PRDM15: variants seen among roughly 807,000 people sequenced by gnomAD.
The protein encoded by PRDM15 is PR/SET domain 15.
In PRDM15, 64 loss-of-function variants were observed where a neutral mutation model predicts 128.6. The ratio of observed to expected loss-of-function variants is 0.50; its 90% CI spans 0.41 to 0.61. PRDM15 has a LOEUF of 0.61. Among genes scored for constraint, PRDM15 ranks in the 20% least tolerant of loss-of-function variants. PRDM15 has a pLI of 0.00. For synonymous variants in PRDM15, 615 were observed against 621.8 expected (o/e 0.99, Z 0.16); for missense variants, 1,242 against 1,569.1 (o/e 0.79, Z 3.52).
rs201207387 is a variant in PRDM15 at position 41,821,266 on chromosome 21, G to A, written c.1897-36C>T. 1,894 of 1,611,808 alleles carry A rather than the reference G, an allele frequency of 1.2e-3. 3 individuals are homozygous for A. Among genetic ancestry groups the A allele is most frequent in the Admixed American group, 1.5e-3 (92 of 59,968 alleles). On this transcript the variant is annotated intron_variant, in intron 15 of 23. Coordinates refer to ENST00000398548, the MANE Select transcript of PRDM15 (RefSeq NM_001040424.3). The surrounding 1 kb of genome is among the most constrained non-coding windows in gnomAD (Gnocchi z 5.4). ...GGTGGACAGGGCACTGCTGACACCC[G>A]CATGAGGTCCCTGGTCCTCTTAGCT...
At position 41,828,716 on chromosome 21, in the gene PRDM15, A is replaced by G. The variant is rs1320559259; in HGVS notation, c.1367-383T>C. Among the ~76,000 whole-genome samples the G allele has an allele frequency of 6.6e-6, 1 of 151,420 alleles. No individual in the cohort carries two copies. Among genetic ancestry groups the G allele is most frequent in the Non-Finnish European group, 1.5e-5 (1 of 67,940 alleles). ...CCCAGCATGACTGACTGACAGATAGAATGACCTACCTACCAACCAACCAAC... is the reference window on the plus strand; with the variant it reads ...CCCAGCATGACTGACTGACAGATAGGATGACCTACCTACCAACCAACCAAC... On this transcript the variant is annotated intron_variant, in intron 11 of 23. Transcript: ENST00000398548. The surrounding 1 kb of genome is among the most constrained non-coding windows in gnomAD (Gnocchi z 5.7).
At chr21:41,829,918 C>G (rs1043963344) in intron 11 of PRDM15, among the ~76,000 whole-genome samples, 62,384 of 151,052 alleles carry the variant, frequency 0.41, 13,049 homozygotes, top group East Asian at 0.57. Context: ...TCAACACACA[C>G]CACTCACCCC....
At chr21:41,871,523 C>A in intron 1 of PRDM15, 1 of 1,609,630 alleles carries the variant, frequency 6.2e-7, no homozygotes, top group Non-Finnish European at 8.5e-7. Context: ...GCGTCGCAGG[C>A]CTGCACTCGC....
intron 1 of PRDM15, among the ~76,000 whole-genome samples, chr21:41,866,624 G>T (rs1048417360): frequency 1.8e-4 from 28 of 152,240 alleles, no homozygotes; most frequent in African/African-American, 6.8e-4. Context: ...TGCTGTTCTT[G>T]GAATCTGCAG....
rs558384688 is a variant in PRDM15 at position 41,820,896 on chromosome 21, C to T, written c.2060+171G>A. 8.5e-5 allele frequency among the ~76,000 whole-genome samples: 13 copies of T among 152,326 alleles called. No homozygotes were observed. In the East Asian group the frequency reaches 1.7e-3, roughly 20 times the overall value. On this transcript the variant is annotated intron_variant, in intron 16 of 23. Transcript: ENST00000398548. ...CACAGGATAAACCCCAGCCCTGCTG[C>T]CCCTAGCCCAGCTGCCCCCGAGCCC...
Position 41,810,866 on chromosome 21 carries a change from C to T in PRDM15, c.2393-30G>A, listed in dbSNP as rs139230030. The T allele has an allele frequency of 1.5e-5, 24 of 1,599,930 alleles. No individual in the cohort carries two copies. The highest frequency in any genetic ancestry group is 3.3e-5 in the South Asian group (3 of 90,834). On this transcript the variant is annotated intron_variant, in intron 19 of 23. Transcript: ENST00000398548. This position sits in a 1 kb window ranked among gnomAD's most constrained non-coding sequence, Gnocchi z 6.4. ...AGAGAAAGGCGCACATAACTTCCTACGTTTAATGAGTGTTGTAAGTCCACA... is the reference window on the plus strand; with the variant it reads ...AGAGAAAGGCGCACATAACTTCCTATGTTTAATGAGTGTTGTAAGTCCACA...
rs1555889583 is a variant in PRDM15 at position 41,861,543 on chromosome 21, C to CA, written c.-9-1172dup. 6.4e-6 allele frequency: 10 copies of CA among 1,572,512 alleles called. 1 individual carries two copies. The highest frequency in any genetic ancestry group is 4.4e-4 in the Middle Eastern group (2 of 4,548). ...TGATTATTCCTCCTCTGCCCCCCCC[C>CA]AATCCCCAACTGTGCGCACCGGCAT... is the stretch of plus-strand genomic sequence containing the variant. On this transcript the variant is annotated intron_variant, in intron 1 of 23. Coordinates refer to ENST00000398548, the MANE Select transcript of PRDM15 (RefSeq NM_001040424.3).
intron 11 of PRDM15, among the ~76,000 whole-genome samples, chr21:41,831,259 CCT>C (rs1438880909): frequency 6.6e-6 from 1 of 152,360 alleles, no homozygotes; most frequent in South Asian, 2.1e-4. Flanking sequence ...TCAGGGTCCC[CCT>C]GTCTAGGGTT....
chr21:41,865,891 C>T (rs7277773), intron 1 of PRDM15, among the ~76,000 whole-genome samples: 44,878 of 151,972 alleles, frequency 0.3, 6,799 homozygotes, highest in South Asian at 0.32. Flanking sequence ...ACTACAGGCA[C>T]GCACCACCAT....
At position 41,821,987 on chromosome 21, in the gene PRDM15, G is replaced by A. The variant is rs368123790; in HGVS notation, c.1812C>T (p.Ile604=). The change falls in exon 15 of 24, where the codon ATC becomes ATT. Residue 604 remains isoleucine, a synonymous_variant. Transcript: ENST00000398548. This position sits in a 1 kb window ranked among gnomAD's most constrained non-coding sequence, Gnocchi z 5.4. ...DHQREEFIGK[I]GISSEENDDN... ...CATCGTTTTCTTCCGAGGAGATCCC[G>A]ATCTTGCCGATAAACTCTTCCCTCT... is the stretch of plus-strand genomic sequence containing the variant. 46 of 1,614,046 alleles carry A rather than the reference G, an allele frequency of 2.8e-5. No individual in the cohort carries two copies. The highest frequency in any genetic ancestry group is 1.2e-4 in the African/African-American group (9 of 74,948).
chr21:41,852,261 C>T (rs2063452412), intron 5 of PRDM15, among the ~76,000 whole-genome samples: 1 of 152,256 alleles, frequency 6.6e-6, no homozygotes, highest in Admixed American at 6.5e-5. Flanking sequence ...GGTAAACGGC[C>T]AAGGCCGGCA....
At position 41,821,052 on chromosome 21, in the gene PRDM15, C is replaced by A. The variant is rs1322247367; in HGVS notation, c.2060+15G>T. On this transcript the variant is annotated intron_variant, in intron 16 of 23. Transcript: ENST00000398548. This position sits in a 1 kb window ranked among gnomAD's most constrained non-coding sequence, Gnocchi z 5.4. ...CTCTCCTGACACAACCCGGGAGCCC[C>A]CGACCAGGCCTCACTTCTGCACGTT... 6.2e-7 allele frequency: 1 copy of A among 1,614,020 alleles called. No homozygotes were observed. Among genetic ancestry groups the A allele is most frequent in the African/African-American group, 1.3e-5 (1 of 74,908 alleles).
Position 41,821,092 on chromosome 21 carries a change from T to G in PRDM15, c.2035A>C (p.Asn679His). ...YHAHMVIHRE[N>H]LPDPNVQKYI... ...TTCTGCACGTTGGGGTCCGGCAGGT[T>G]TTCACGGTGGATGACCATGTGGGCG... Residue 679 changes from asparagine (N) to histidine (H), a missense_variant, in exon 16 of 24, where the codon AAC (asparagine) becomes CAC (histidine). By Grantham distance (68) the Asn-to-His change is moderately conservative. Transcript: ENST00000398548. The surrounding 1 kb of genome is among the most constrained non-coding windows in gnomAD (Gnocchi z 5.4). 6.2e-7 allele frequency: 1 copy of G among 1,614,188 alleles called. No individual in the cohort carries two copies. Among genetic ancestry groups the G allele is most frequent in the Non-Finnish European group, 8.5e-7 (1 of 1,180,016 alleles).
intron 6 of PRDM15, among the ~76,000 whole-genome samples, chr21:41,842,722 C>G (rs529862275): frequency 6.6e-6 from 1 of 151,242 alleles, no homozygotes; most frequent in East Asian, 2.0e-4. Flanking sequence ...ATCTCTTGAC[C>G]TCGTGATCTG....
intron 6 of PRDM15, among the ~76,000 whole-genome samples, chr21:41,845,468 G>A (rs1033675808): frequency 1.3e-5 from 2 of 151,778 alleles, no homozygotes; most frequent in East Asian, 4.0e-4. Flanking sequence ...TGCCGCAGAA[G>A]GCAGAGCCGT....
At chr21:41,858,520 A>T (rs1225851873) in intron 3 of PRDM15, among the ~76,000 whole-genome samples, 1 of 146,796 alleles carries the variant, frequency 6.8e-6, no homozygotes, top group Non-Finnish European at 1.5e-5. Flanking sequence ...GGCCCCTCCG[A>T]CAGAGGCGGA....
At position 41,854,864 on chromosome 21, in the gene PRDM15, A is replaced by G; in HGVS notation, c.286-46T>C. 2 of 1,565,876 alleles carry G rather than the reference A, an allele frequency of 1.3e-6. No homozygotes were observed. Among genetic ancestry groups the G allele is most frequent in the African/African-American group, 1.3e-5 (1 of 74,420 alleles). On this transcript the variant is annotated intron_variant, in intron 4 of 23. Coordinates refer to ENST00000398548, the MANE Select transcript of PRDM15 (RefSeq NM_001040424.3). The surrounding 1 kb of genome is among the most constrained non-coding windows in gnomAD (Gnocchi z 4.6). ...GGAGAAGCCGGGGAAATGGCTGATT[A>G]CCCATCTGTGTATCAGCGTGTGGGG... is the stretch of plus-strand genomic sequence containing the variant.
intron 1 of PRDM15, among the ~76,000 whole-genome samples, chr21:41,865,775 T>C (rs904056555): frequency 2.6e-5 from 4 of 152,226 alleles, no homozygotes; most frequent in Admixed American, 2.0e-4. Context: ...GACACAGTCT[T>C]GCTCTGTCAC....
At chr21:41,866,687 T>G (rs2145973702) in intron 1 of PRDM15, among the ~76,000 whole-genome samples, 1 of 152,370 alleles carries the variant, frequency 6.6e-6, no homozygotes, top group South Asian at 2.1e-4. Flanking sequence ...AGTCCATTTC[T>G]TGTCCAGATA....
Sources: allele counts gnomAD v4.1 joint callset (sites outside exome capture counted in the v4.1 genomes callset), GRCh38; gene constraint gnomAD v4.1.1; non-coding constraint Gnocchi (gnomAD v3.1); transcripts MANE v1.5; gene names NCBI Gene and HGNC (gene_info 2026-07-23, HGNC 2026-07-21).